Variants in MDFIC2 observed in about 807,000 individuals in gnomAD.
The protein encoded by MDFIC2 is myoD family inhibitor domain-containing protein 2.
intron 2 of MDFIC2, among the ~76,000 whole-genome samples, chr3:70,254,161 T>C (rs1414614387): frequency 1.4e-5 from 2 of 143,938 alleles, no homozygotes; most frequent in African/African-American, 5.2e-5. Flanking sequence ...ACAAAAAAAA[T>C]TGTATGCTAA....
At chr3:70,312,479 G>A (rs1208462188) in intron 1 of MDFIC2, 72 bp downstream of exon 1, 1 of 152,130 alleles carries the variant, frequency 6.6e-6, no homozygotes, top group Admixed American at 6.5e-5. Flanking sequence ...ACGAACCTTC[G>A]GTGCAGTGCA....
intron 2 of MDFIC2, among the ~76,000 whole-genome samples, chr3:70,295,531 C>A (rs888165120): frequency 1.3e-5 from 2 of 151,854 alleles, no homozygotes; most frequent in African/African-American, 2.4e-5. Context: ...AGTGAGATCC[C>A]GTCTCTACAA....
intron 2 of MDFIC2, chr3:70,291,953 T>C (rs1371838436): frequency 6.6e-6 from 1 of 152,246 alleles, no homozygotes; most frequent in African/African-American, 2.4e-5. Flanking sequence ...GGTCCTGCTT[T>C]ATTTCTCAGA....
At chr3:70,274,059 G>GTC (rs1216531141) in intron 2 of MDFIC2, among the ~76,000 whole-genome samples, 1 of 143,128 alleles carries the variant, frequency 7.0e-6, no homozygotes, top group African/African-American at 2.5e-5. Flanking sequence ...AAACCTCCGT[G>GTC]TGTGTGTGTG....
At chr3:70,266,502 C>G (rs1701918044) in intron 2 of MDFIC2, among the ~76,000 whole-genome samples, 1 of 152,072 alleles carries the variant, frequency 6.6e-6, no homozygotes, top group Non-Finnish European at 1.5e-5. Context: ...CTCACTGCAG[C>G]CTGCATCTCC....
At chr3:70,209,925 AC>A (rs1295248433) in intron 2 of MDFIC2, among the ~76,000 whole-genome samples, 3 of 152,072 alleles carry the variant, frequency 2.0e-5, no homozygotes, top group Non-Finnish European at 4.4e-5. Flanking sequence ...TTTATCCCAT[AC>A]ATTAGAGAGT....
chr3:70,294,758 T>C (rs1055799145), intron 2 of MDFIC2, among the ~76,000 whole-genome samples: 7 of 152,198 alleles, frequency 4.6e-5, no homozygotes, highest in Admixed American at 1.3e-4. Flanking sequence ...CAGATTTTTT[T>C]CCATGTCATT....
intron 2 of MDFIC2, among the ~76,000 whole-genome samples, chr3:70,255,059 AAG>A (rs1246613385): frequency 6.6e-6 from 1 of 152,194 alleles, no homozygotes; most frequent in Non-Finnish European, 1.5e-5. Flanking sequence ...CAGCTTGAGA[AAG>A]AGAGAAACGC....
At chr3:70,278,220 C>G (rs561164341) in intron 2 of MDFIC2, among the ~76,000 whole-genome samples, 53 of 152,268 alleles carry the variant, frequency 3.5e-4, no homozygotes, top group African/African-American at 1.2e-3. Context: ...ATTTGTCCAA[C>G]GTTTTGTCTG....
intron 2 of MDFIC2, among the ~76,000 whole-genome samples, chr3:70,242,765 A>C (rs1170146686): frequency 6.6e-6 from 1 of 152,092 alleles, no homozygotes; most frequent in Non-Finnish European, 1.5e-5. Flanking sequence ...ATTTCCTGGA[A>C]TCTTATTGTG....
rs1701163673 is a variant in MDFIC2, at chr3:70,195,183, G to A, written c.*1743C>T. On this transcript the variant is annotated 3_prime_UTR_variant, in exon 4 of 4. Transcript: ENST00000567252. ...AATATAAAAAGGTTGCATAAGAACAGCCTTATGTTCCCTTCCTGTTCTAGG... is the reference window on the plus strand; with the variant it reads ...AATATAAAAAGGTTGCATAAGAACAACCTTATGTTCCCTTCCTGTTCTAGG... 6.6e-6 allele frequency among the ~76,000 whole-genome samples: 1 copy of A among 152,146 alleles called. No homozygotes were observed.
chr3:70,276,520 C>T (rs1696658364), intron 2 of MDFIC2, among the ~76,000 whole-genome samples: 1 of 152,116 alleles, frequency 6.6e-6, no homozygotes, highest in African/African-American at 2.4e-5. Flanking sequence ...AATTATGATT[C>T]ATTCCATGTT....
At chr3:70,276,484 T>C (rs1575613018) in intron 2 of MDFIC2, among the ~76,000 whole-genome samples, 1 of 152,320 alleles carries the variant, frequency 6.6e-6, no homozygotes, top group Non-Finnish European at 1.5e-5. Flanking sequence ...GAAGTGGCTG[T>C]CCAGTGAATT....
chr3:70,308,756 T>C (rs966624330), intron 2 of MDFIC2, among the ~76,000 whole-genome samples: 3 of 152,158 alleles, frequency 2.0e-5, no homozygotes, highest in African/African-American at 7.2e-5. Context: ...ATAAATGATA[T>C]GAATGTTTGA....
intron 2 of MDFIC2, among the ~76,000 whole-genome samples, chr3:70,252,886 C>T (rs1701782359): frequency 1.3e-5 from 2 of 151,940 alleles, no homozygotes; most frequent in Admixed American, 6.5e-5. Flanking sequence ...TCGAGACCAG[C>T]GTGGCCAACA....
intron 2 of MDFIC2, among the ~76,000 whole-genome samples, chr3:70,264,190 G>C (rs1427936875): frequency 6.6e-6 from 1 of 152,098 alleles, no homozygotes; most frequent in Non-Finnish European, 1.5e-5. Flanking sequence ...TATACAGATG[G>C]TGTAAATAAA....
At chr3:70,282,238 G>C (rs1251070577) in intron 2 of MDFIC2, among the ~76,000 whole-genome samples, 1 of 152,128 alleles carries the variant, frequency 6.6e-6, no homozygotes, top group Non-Finnish European at 1.5e-5. Flanking sequence ...TTGGCTTTCT[G>C]TGCAGTGAGC....
chr3:70,211,196 T>C (rs1701341125), intron 2 of MDFIC2, among the ~76,000 whole-genome samples: 1 of 151,864 alleles, frequency 6.6e-6, no homozygotes, highest in South Asian at 2.1e-4. Flanking sequence ...TCTTTTCCTT[T>C]TCCTTTCCCC....
chr3:70,285,235 G>GTGT (rs1344790120), intron 2 of MDFIC2, among the ~76,000 whole-genome samples: 2 of 121,692 alleles, frequency 1.6e-5, no homozygotes, highest in East Asian at 4.9e-4. Flanking sequence ...AGTCCCCAGA[G>GTGT]TGTGATGTTC....
Sources: gnomAD v4.1 joint callset for allele counts (sites outside exome capture counted in the v4.1 genomes callset) on GRCh38, gnomAD v4.1.1 for gene constraint, MANE v1.5 for transcripts, NCBI Gene and HGNC (gene_info 2026-07-23, HGNC 2026-07-21) for gene names.